The following DNER variants were observed in gnomAD, a reference collection of about 807,000 sequenced individuals.
The protein encoded by DNER is delta and Notch-like epidermal growth factor-related receptor.
DNER carries 33 observed loss-of-function variants against 78.2 expected under a neutral mutation model. The ratio of observed to expected loss-of-function variants is 0.42; its 90% confidence interval spans 0.32 to 0.56. The LOEUF (loss-of-function observed/expected upper bound fraction) is 0.56, where lower values mean the gene tolerates loss of function less well. DNER is among the 20% of genes least tolerant of loss of function. The pLI is 0.11. For synonymous variants in DNER, 417 were observed against 384.8 expected (o/e 1.08, Z -0.98); for missense variants, 918 against 975.3 (o/e 0.94, Z 0.78).
intron 11 of DNER, among the ~76,000 whole-genome samples, chr2:229,377,162 C>T (rs1329032757): frequency 6.6e-6 from 1 of 152,202 alleles, no homozygotes; most frequent in Non-Finnish European, 1.5e-5. Context: ...CAGAACTACA[C>T]TCAATGCCTG....
chr2:229,590,504 T>C (rs969448104), intron 2 of DNER, among the ~76,000 whole-genome samples: 3 of 152,204 alleles, frequency 2.0e-5, no homozygotes, highest in Non-Finnish European at 4.4e-5. Flanking sequence ...GGTCTGAATG[T>C]CTGCGCCCCT....
intron 2 of DNER, 44 bp from the exon 3 acceptor site, chr2:229,588,532 T>C (rs1697543658): frequency 6.4e-7 from 1 of 1,560,052 alleles, no homozygotes; most frequent in Admixed American, 1.7e-5. Context: ...GGGTTGTTTA[T>C]AGTATAACAT....
At chr2:229,449,496 G>A (rs553307570) in intron 7 of DNER, among the ~76,000 whole-genome samples, 86 of 151,936 alleles carry the variant, frequency 5.7e-4, no homozygotes, top group Admixed American at 8.5e-4. Context: ...TTTGAGAAAT[G>A]AATTGACCAA....
intron 4 of DNER, among the ~76,000 whole-genome samples, chr2:229,559,683 G>T (rs898829679): frequency 2.6e-5 from 4 of 152,174 alleles, no homozygotes; most frequent in Non-Finnish European, 4.4e-5. Context: ...GACTTGAGAG[G>T]CTCACTTCTA....
chr2:229,583,179 T>C (rs530891052), intron 4 of DNER, among the ~76,000 whole-genome samples: 162 of 152,326 alleles, frequency 1.1e-3, no homozygotes, highest in African/African-American at 3.0e-3. Flanking sequence ...AAAAGTAGTA[T>C]AAAATATGAA....
intron 11 of DNER, among the ~76,000 whole-genome samples, chr2:229,378,436 G>A (rs1031212689): frequency 6.6e-6 from 1 of 152,196 alleles, no homozygotes; most frequent in African/African-American, 2.4e-5. Context: ...AGGTCCTGAA[G>A]GCAGGGATGA....
At chr2:229,375,470 C>G (rs1243379121) in intron 11 of DNER, among the ~76,000 whole-genome samples, 2 of 152,190 alleles carry the variant, frequency 1.3e-5, no homozygotes, top group Non-Finnish European at 2.9e-5. Flanking sequence ...TTCCCCACAT[C>G]TAGCCACAAT....
intron 1 of DNER, among the ~76,000 whole-genome samples, chr2:229,597,395 T>C (rs1002039096): frequency 9.9e-5 from 15 of 152,240 alleles, no homozygotes; most frequent in Non-Finnish European, 1.5e-5. Context: ...TACGTTTCTG[T>C]ATACAGTCAA....
At chr2:229,545,901 C>T (rs1021566361) in intron 5 of DNER, among the ~76,000 whole-genome samples, 1 of 152,170 alleles carries the variant, frequency 6.6e-6, no homozygotes, top group Non-Finnish European at 1.5e-5. Context: ...CAGGGAAATG[C>T]GAAGACTAAG....
At chr2:229,703,270 G>A (rs535565316) in intron 1 of DNER, among the ~76,000 whole-genome samples, 76 of 152,138 alleles carry the variant, frequency 5.0e-4, no homozygotes, top group African/African-American at 1.8e-3. Context: ...TTTAAACAAA[G>A]GTACCAAAAT....
intron 10 of DNER, among the ~76,000 whole-genome samples, chr2:229,402,939 AG>A (rs1299403046): frequency 1.3e-5 from 2 of 152,146 alleles, no homozygotes; most frequent in African/African-American, 4.8e-5. Flanking sequence ...AAGAGCAGGG[AG>A]GCTCTCTGTT....
intron 7 of DNER, among the ~76,000 whole-genome samples, chr2:229,469,361 C>G (rs910416750): frequency 6.6e-6 from 1 of 152,124 alleles, no homozygotes; most frequent in Non-Finnish European, 1.5e-5. Context: ...CATAATAATA[C>G]CTGTCTTGTA....
chr2:229,477,622 C>G (rs1447594815), intron 6 of DNER, among the ~76,000 whole-genome samples: 1 of 152,164 alleles, frequency 6.6e-6, no homozygotes, highest in Non-Finnish European at 1.5e-5. Context: ...CTTGATCTAA[C>G]TGAGATAATG....
chr2:229,516,500 T>C (rs373181020), intron 5 of DNER, among the ~76,000 whole-genome samples: 21 of 152,330 alleles, frequency 1.4e-4, no homozygotes, highest in East Asian at 9.6e-4. Flanking sequence ...AAAAGTATTG[T>C]ATAAGTACAC....
intron 8 of DNER, among the ~76,000 whole-genome samples, chr2:229,426,265 C>G (rs1188259555): frequency 6.6e-6 from 1 of 151,886 alleles, no homozygotes; most frequent in African/African-American, 2.4e-5. Flanking sequence ...TACTGTGAAA[C>G]CCTGTCTCTA....
chr2:229,549,100 T>C (rs979472635), intron 4 of DNER, among the ~76,000 whole-genome samples: 3 of 152,190 alleles, frequency 2.0e-5, no homozygotes, highest in African/African-American at 7.2e-5. Flanking sequence ...CTGTTACGCA[T>C]ATGTATACAT....
In DNER at chr2:229,529,005, C is replaced by T. The variant is rs556604672; in HGVS notation, c.994-16069G>A. The stretch of plus-strand genomic sequence containing the variant: ...GTGGATTTCAATCAAGCTAATGTCA[C>T]GGAGTATATGTGATTAAATTGCAAA... On this transcript the variant is annotated intron_variant, in intron 5 of 12. Coordinates refer to ENST00000341772, the MANE Select transcript of DNER (RefSeq NM_139072.4). Among the ~76,000 whole-genome samples the T allele has an allele frequency of 4.9e-4, 74 of 152,220 alleles. No homozygotes were observed. In the South Asian group the frequency reaches 7.5e-3, roughly 15 times the overall value.
intron 4 of DNER, among the ~76,000 whole-genome samples, chr2:229,548,702 C>A (rs1442829748): frequency 6.6e-6 from 1 of 152,068 alleles, no homozygotes; most frequent in East Asian, 1.9e-4. Flanking sequence ...TGTAACCAAA[C>A]TGCACGTTCT....
At chr2:229,463,047 C>G (rs1694735243) in intron 7 of DNER, among the ~76,000 whole-genome samples, 1 of 152,118 alleles carries the variant, frequency 6.6e-6, no homozygotes, top group Admixed American at 6.5e-5. Flanking sequence ...CTGCTCACCC[C>G]TTTCATAGCA....
Sources: allele counts gnomAD v4.1 joint callset (sites outside exome capture counted in the v4.1 genomes callset), GRCh38; gene constraint gnomAD v4.1.1; transcripts MANE v1.5; gene names NCBI Gene and HGNC (gene_info 2026-07-23, HGNC 2026-07-21).